Variants in L3MBTL3 observed in about 807,000 individuals in gnomAD.
L3MBTL3 encodes lethal(3)malignant brain tumor-like protein 3.
A neutral mutation model predicts 102.3 loss-of-function variants in L3MBTL3; 27 were observed. That is an observed-to-expected ratio of 0.26 (90% CI 0.19 to 0.36). The LOEUF (loss-of-function observed/expected upper bound fraction) is 0.36, where lower values mean the gene tolerates loss of function less well. Ranked by LOEUF, L3MBTL3 falls within the 10% of genes least tolerant of loss-of-function variation. L3MBTL3 has a pLI of 1.00. For synonymous variants in L3MBTL3, 340 were observed against 320.9 expected (o/e 1.06, Z -0.64); for missense variants, 798 against 955.3 (o/e 0.84, Z 2.17).
intron 18 of L3MBTL3, among the ~76,000 whole-genome samples, chr6:130,097,680 T>G (rs1784441085): frequency 2.0e-5 from 3 of 152,204 alleles, no homozygotes; most frequent in Non-Finnish European, 4.4e-5. Context: ...TAATATTGGT[T>G]GTGTCACAGT....
intron 2 of L3MBTL3, among the ~76,000 whole-genome samples, chr6:130,042,107 TC>T (rs1780459959): frequency 1.3e-5 from 2 of 152,230 alleles, no homozygotes; most frequent in South Asian, 4.1e-4. Context: ...AACAACAGTA[TC>T]AATACCACAA....
intron 2 of L3MBTL3, among the ~76,000 whole-genome samples, chr6:130,022,987 G>A (rs1779106538): frequency 6.6e-6 from 1 of 152,156 alleles, no homozygotes; most frequent in Admixed American, 6.5e-5. Flanking sequence ...CTCAGGCAGA[G>A]GGGACAGCCA....
intron 8 of L3MBTL3, 126 bp from the exon 9 acceptor site, chr6:130,057,280 G>A: frequency 1.3e-6 from 1 of 746,582 alleles, no homozygotes; most frequent in Non-Finnish European, 2.3e-6. Context: ...GAGAGACAGA[G>A]ATACCAGTCC....
chr6:130,125,063 G>C (rs1028133074), intron 20 of L3MBTL3, among the ~76,000 whole-genome samples: 3 of 152,164 alleles, frequency 2.0e-5, no homozygotes, highest in Admixed American at 6.5e-5. Context: ...ACTGGAGCGG[G>C]GTCCTGGAGG....
intron 19 of L3MBTL3, among the ~76,000 whole-genome samples, chr6:130,113,166 A>G (rs1237735534): frequency 6.6e-6 from 1 of 152,178 alleles, no homozygotes; most frequent in Non-Finnish European, 1.5e-5. Context: ...ATCATTTGAG[A>G]TGCTTGTTAA....
At chr6:130,059,908 T>C (rs1781777809) in intron 9 of L3MBTL3, 128 bp from the exon 10 acceptor site, 2 of 576,804 alleles carry the variant, frequency 3.5e-6, no homozygotes, top group Middle Eastern at 4.2e-4. Context: ...TATTGATTTC[T>C]TTTTCTTTGG....
intron 16 of L3MBTL3, among the ~76,000 whole-genome samples, chr6:130,088,482 A>G (rs1365717788): frequency 6.6e-6 from 1 of 152,202 alleles, no homozygotes; most frequent in Admixed American, 6.5e-5. Flanking sequence ...TAAGTTTTTC[A>G]GGGATAAAAT....
intron 2 of L3MBTL3, among the ~76,000 whole-genome samples, chr6:130,026,111 CT>C (rs201535422): frequency 0.071 from 10,739 of 152,166 alleles, 545 homozygotes; most frequent in Middle Eastern, 0.13. Context: ...TTTAAAAACC[CT>C]ATGAAGTGTT....
chr6:130,083,786 G>T, intron 15 of L3MBTL3, 81 bp downstream of exon 15: 1 of 678,868 alleles, frequency 1.5e-6, no homozygotes, highest in Non-Finnish European at 2.5e-6. Flanking sequence ...GATGGTATTA[G>T]TAAACCAGAA....
intron 16 of L3MBTL3, among the ~76,000 whole-genome samples, chr6:130,088,599 A>T (rs1783838826): frequency 6.6e-6 from 1 of 152,202 alleles, no homozygotes. Flanking sequence ...TTGAAGAAAA[A>T]TGGCCTAGAA....
intron 10 of L3MBTL3, 112 bp from the exon 11 acceptor site, chr6:130,066,241 T>G (rs895935694): frequency 2.9e-6 from 1 of 340,180 alleles, no homozygotes; most frequent in Non-Finnish European, 5.0e-6. Flanking sequence ...GTGGTTTGAT[T>G]AACATTAAGA....
intron 14 of L3MBTL3, among the ~76,000 whole-genome samples, chr6:130,079,414 T>C (rs1377622625): frequency 1.3e-5 from 2 of 152,164 alleles, no homozygotes; most frequent in African/African-American, 4.8e-5. Context: ...ATAAATAGTG[T>C]CCTTGTTTTA....
intron 19 of L3MBTL3, among the ~76,000 whole-genome samples, chr6:130,118,523 ACT>A (rs1168170091): frequency 6.6e-6 from 1 of 151,888 alleles, no homozygotes; most frequent in Non-Finnish European, 1.5e-5. Context: ...CCACCTTTCC[ACT>A]CTCTAGCTAA....
chr6:130,071,229 G>T, intron 13 of L3MBTL3, 102 bp downstream of exon 13: 1 of 1,014,904 alleles, frequency 9.9e-7, no homozygotes, highest in Non-Finnish European at 1.4e-6. Context: ...AAAAAGCAGT[G>T]TTCTGCCCCA....
rs1343763257 is a variant in L3MBTL3 at position 130,133,211 on chromosome 6, C to CAT, written c.1967-239_1967-238dup. On this transcript the variant is annotated intron_variant, in intron 20 of 22. Coordinates refer to ENST00000361794, the MANE Select transcript of L3MBTL3 (RefSeq NM_032438.4). This position sits in a 1 kb window ranked among gnomAD's most constrained non-coding sequence, Gnocchi z 4.9. ...GCATTAAAGAGACAACGTTGAACAA[C>CAT]ATAATGAAGCATGTCTTTAGTAATG... 2.6e-5 allele frequency among the ~76,000 whole-genome samples: 4 copies of CAT among 152,304 alleles called. No homozygotes were observed. Among genetic ancestry groups the CAT allele is most frequent in the Non-Finnish European group, 2.9e-5 (2 of 68,028 alleles).
At chr6:130,089,217 G>GCC (rs994096421) in intron 16 of L3MBTL3, among the ~76,000 whole-genome samples, 1 of 99,194 alleles carries the variant, frequency 1.0e-5, no homozygotes, top group African/African-American at 4.0e-5. Context: ...CCCTCCCCCT[G>GCC]CCCCCCACCC....
At chr6:130,107,400 A>T (rs899343848) in intron 19 of L3MBTL3, among the ~76,000 whole-genome samples, 11 of 152,204 alleles carry the variant, frequency 7.2e-5, no homozygotes, top group African/African-American at 2.7e-4. Context: ...CAGTATACAA[A>T]GAGGTTGAAA....
chr6:130,107,457 G>A (rs574510945), intron 19 of L3MBTL3, among the ~76,000 whole-genome samples: 1 of 152,224 alleles, frequency 6.6e-6, no homozygotes, highest in South Asian at 2.1e-4. Context: ...TAACTAAAAA[G>A]AATTTAATGC....
chr6:130,138,865 A>C (rs1171201253), intron 22 of L3MBTL3, among the ~76,000 whole-genome samples: 1 of 152,086 alleles, frequency 6.6e-6, no homozygotes, highest in Non-Finnish European at 1.5e-5. Flanking sequence ...ATAGTATTTT[A>C]TCTTTTAACC....
Sources: gnomAD v4.1 joint callset for allele counts (sites outside exome capture counted in the v4.1 genomes callset) on GRCh38, gnomAD v4.1.1 for gene constraint, Gnocchi (gnomAD v3.1) non-coding constraint, MANE v1.5 for transcripts, NCBI Gene and HGNC (gene_info 2026-07-23, HGNC 2026-07-21) for gene names.